Variants in FBXW4 observed in about 807,000 individuals in gnomAD.
The protein encoded by FBXW4 is F-box and WD repeat domain containing 4, also known as F-box/WD repeat-containing protein 4.
Under a neutral mutation model 61.8 loss-of-function variants are expected in FBXW4, and 40 were observed. The observed-to-expected ratio is 0.65, with a 90% CI of 0.50 to 0.84. FBXW4 has a LOEUF of 0.84. Among genes scored for constraint, FBXW4 ranks in the 40% least tolerant of loss-of-function variants. The pLI is 0.00. For missense variants in FBXW4, 672 were observed against 753.8 expected, an observed-to-expected ratio of 0.89 and a Z score of 1.27; for synonymous variants, 311 against 313.8, an observed-to-expected ratio of 0.99 and a Z score of 0.10.
intron 5 of FBXW4, among the ~76,000 whole-genome samples, chr10:101,659,132 A>T (rs1322882923): frequency 2.0e-5 from 3 of 152,056 alleles, no homozygotes; most frequent in African/African-American, 7.2e-5. Flanking sequence ...CGTGTCCCAG[A>T]TTAATCACCA....
chr10:101,656,971 A>G (rs2064191237), intron 5 of FBXW4, among the ~76,000 whole-genome samples: 1 of 152,200 alleles, frequency 6.6e-6, no homozygotes, highest in Non-Finnish European at 1.5e-5. Flanking sequence ...GAAAACCATG[A>G]AAAGGAAAGC....
At chr10:101,687,394 T>C (rs2064544680) in intron 1 of FBXW4, among the ~76,000 whole-genome samples, 1 of 152,196 alleles carries the variant, frequency 6.6e-6, no homozygotes, top group East Asian at 1.9e-4. Context: ...CTTCTCTTTC[T>C]CTACTTTCTT....
At chr10:101,692,050 T>C (rs1266318580) in intron 1 of FBXW4, among the ~76,000 whole-genome samples, 2 of 151,586 alleles carry the variant, frequency 1.3e-5, no homozygotes. Flanking sequence ...AAGAACTTTA[T>C]CATGAAAACC....
chr10:101,654,552 G>A (rs2064170679), intron 5 of FBXW4, among the ~76,000 whole-genome samples: 1 of 151,558 alleles, frequency 6.6e-6, no homozygotes, highest in Non-Finnish European at 1.5e-5. Context: ...TATAAAATAG[G>A]ACCATTATAA....
intron 1 of FBXW4, among the ~76,000 whole-genome samples, chr10:101,682,040 C>T (rs562330195): frequency 6.6e-6 from 1 of 152,074 alleles, no homozygotes; most frequent in East Asian, 1.9e-4. Context: ...TAAAATGACA[C>T]CTAAAACGAA....
chr10:101,678,049 G>T (rs1283231866), intron 1 of FBXW4, among the ~76,000 whole-genome samples: 1 of 152,132 alleles, frequency 6.6e-6, no homozygotes, highest in Non-Finnish European at 1.5e-5. Context: ...GAGTGTTCAT[G>T]GTACAATTCA....
At position 101,611,409 on chromosome 10, in the gene FBXW4, G is replaced by C; in HGVS notation, c.1586C>G (p.Ala529Gly). The C allele has an allele frequency of 6.2e-7, 1 of 1,613,250 alleles. No homozygotes were observed. ...GAGGGGAGTCGACGTCAGCGGGAAG[G>C]CCTGGAAGGGAGGGCACAGGAAGTG... ...WDRRQRACLHAFPLTSTPLSS... is the reference protein window; with the variant it reads ...WDRRQRACLHGFPLTSTPLSS... Residue 529 changes from alanine to glycine, a missense_variant and splice_region_variant, in exon 9 of 9, where the codon GCC becomes GGC. Physicochemically the swap from Ala to Gly is moderately conservative, Grantham distance 60. Around this residue, in one of 5 missense-constraint regions of FBXW4, gnomAD observed 312 missense variants for 370.1 expected, o/e 0.84. Transcript: ENST00000331272. This position sits in a 1 kb window ranked among gnomAD's most constrained non-coding sequence, Gnocchi z 4.9.
intron 5 of FBXW4, among the ~76,000 whole-genome samples, chr10:101,661,825 G>A (rs1243991674): frequency 6.6e-6 from 1 of 152,208 alleles, no homozygotes; most frequent in African/African-American, 2.4e-5. Context: ...GAAAGGAGAA[G>A]AGAGAGGTCC....
At chr10:101,620,480 T>C (rs1286049061) in intron 6 of FBXW4, among the ~76,000 whole-genome samples, 2 of 152,168 alleles carry the variant, frequency 1.3e-5, no homozygotes, top group East Asian at 1.9e-4. Flanking sequence ...GCCTGGTTCC[T>C]CCCAGTGGAT....
At chr10:101,658,052 G>A (rs2064205370) in intron 5 of FBXW4, among the ~76,000 whole-genome samples, 1 of 152,178 alleles carries the variant, frequency 6.6e-6, no homozygotes, top group African/African-American at 2.4e-5. Flanking sequence ...AACTCACTAA[G>A]ACTCACTGAT....
At chr10:101,674,181 T>C (rs2134895910) in intron 2 of FBXW4, among the ~76,000 whole-genome samples, 1 of 151,892 alleles carries the variant, frequency 6.6e-6, no homozygotes, top group Non-Finnish European at 1.5e-5. Flanking sequence ...AATACAAAAT[T>C]AGACAGGCAT....
intron 5 of FBXW4, among the ~76,000 whole-genome samples, chr10:101,628,219 G>A (rs930194661): frequency 2.0e-4 from 30 of 152,300 alleles, no homozygotes; most frequent in East Asian, 1.3e-3. Context: ...GAAAAACCCA[G>A]CTCGGCTCAG....
chr10:101,690,960 G>T (rs905877856), intron 1 of FBXW4, among the ~76,000 whole-genome samples: 1 of 152,146 alleles, frequency 6.6e-6, no homozygotes, highest in Non-Finnish European at 1.5e-5. Context: ...ACAATTTATT[G>T]TGTGCTTACT....
chr10:101,659,216 C>T (rs1267358430), intron 5 of FBXW4, among the ~76,000 whole-genome samples: 1 of 152,114 alleles, frequency 6.6e-6, no homozygotes, highest in African/African-American at 2.4e-5. Flanking sequence ...CCAGCACCTC[C>T]CTCACTCCCC....
At chr10:101,618,054 C>T (rs1170830922) in intron 6 of FBXW4, among the ~76,000 whole-genome samples, 16 of 152,236 alleles carry the variant, frequency 1.1e-4, no homozygotes, top group Admixed American at 1.0e-3. Flanking sequence ...GCAGGATGGG[C>T]ACTAACAGTG....
At chr10:101,615,496 C>T (rs2063819829) in intron 6 of FBXW4, among the ~76,000 whole-genome samples, 1 of 152,000 alleles carries the variant, frequency 6.6e-6, no homozygotes, top group Non-Finnish European at 1.5e-5. Flanking sequence ...GGAGGGGCAA[C>T]CTGGGGGAGA....
At position 101,673,574 on chromosome 10, in the gene FBXW4, A is replaced by C; in HGVS notation, c.921T>G (p.Asn307Lys). ...CAGCAAAGACTCCCAGAGGCCGACGATTCAAGCTGGCACCATCTGGACGGA... is the reference window on the plus strand; with the variant it reads ...CAGCAAAGACTCCCAGAGGCCGACGCTTCAAGCTGGCACCATCTGGACGGA... ...YQFRPDGASL[N>K]RRPLGVFAGH... Residue 307 changes from asparagine to lysine, a missense_variant, in exon 3 of 9, where the codon AAT (asparagine) becomes AAG (lysine). Asn to Lys is a moderately conservative substitution (Grantham distance 94, BLOSUM62 0). This residue lies in a region of FBXW4 where 312 missense variants were observed against 370.1 expected (regional missense o/e 0.84). Transcript: ENST00000331272. 6.2e-7 allele frequency: 1 copy of C among 1,614,036 alleles called. No homozygotes were observed. Among genetic ancestry groups the C allele is most frequent in the Non-Finnish European group, 8.5e-7 (1 of 1,179,898 alleles).
intron 5 of FBXW4, among the ~76,000 whole-genome samples, chr10:101,665,141 T>C (rs940488716): frequency 6.6e-6 from 1 of 152,050 alleles, no homozygotes; most frequent in Non-Finnish European, 1.5e-5. Context: ...TGAGAAGAAA[T>C]GGATCTAATA....
At chr10:101,676,249 G>T in intron 2 of FBXW4, 92 bp downstream of exon 2, 18 of 864,712 alleles carry the variant, frequency 2.1e-5, no homozygotes, top group Non-Finnish European at 2.9e-5. Flanking sequence ...ACCCAAGATA[G>T]CCCCATTAGC....
Sources: gnomAD v4.1 joint callset for allele counts (sites outside exome capture counted in the v4.1 genomes callset) on GRCh38, gnomAD v4.1.1 for gene constraint, gnomAD v4.1.1 regional missense constraint, Gnocchi (gnomAD v3.1) non-coding constraint, MANE v1.5 for transcripts, NCBI Gene and HGNC (gene_info 2026-07-23, HGNC 2026-07-21) for gene names.